The following HPSE2 variants were observed in gnomAD, a reference collection of about 807,000 sequenced individuals.
HPSE2 encodes the protein heparanase 2 (inactive), also known as inactive heparanase-2.
Under a neutral mutation model 60.5 loss-of-function variants are expected in HPSE2, and 38 were observed. The ratio of observed to expected loss-of-function variants is 0.63; its 90% CI spans 0.48 to 0.82. The LOEUF is 0.82. Ranked by LOEUF, HPSE2 falls within the 40% of genes least tolerant of loss-of-function variation. HPSE2 has a pLI of 0.00. For missense variants in HPSE2, 713 were observed against 740.4 expected (o/e 0.96, Z 0.43); for synonymous variants, 295 against 293.2 (o/e 1.01, Z -0.06).
At chr10:98,823,790 T>G (rs942306836) in intron 3 of HPSE2, among the ~76,000 whole-genome samples, 2 of 152,144 alleles carry the variant, frequency 1.3e-5, no homozygotes, top group African/African-American at 2.4e-5. Context: ...AGTGAGACAT[T>G]TTAACATACC....
chr10:99,171,377 G>A (rs1350642084), intron 2 of HPSE2, among the ~76,000 whole-genome samples: 1 of 152,074 alleles, frequency 6.6e-6, no homozygotes, highest in Non-Finnish European at 1.5e-5. Flanking sequence ...AACTACTACA[G>A]TCTGGAGAAG....
intron 3 of HPSE2, among the ~76,000 whole-genome samples, chr10:99,072,332 G>A (rs1340509843): frequency 8.2e-6 from 1 of 122,350 alleles, no homozygotes; most frequent in Non-Finnish European, 1.9e-5. Flanking sequence ...CTTTTGCACA[G>A]CAAAAGAAAC....
At chr10:98,756,449 A>C (rs918323425) in intron 3 of HPSE2, among the ~76,000 whole-genome samples, 35 of 152,144 alleles carry the variant, frequency 2.3e-4, no homozygotes, top group African/African-American at 8.2e-4. Flanking sequence ...AGAAGAAAGA[A>C]GATCCAAATA....
intron 3 of HPSE2, among the ~76,000 whole-genome samples, chr10:99,004,902 C>A (rs1016801229): frequency 1.3e-5 from 2 of 152,102 alleles, no homozygotes; most frequent in African/African-American, 2.4e-5. Context: ...TGAAGGACAG[C>A]TTTGCTGAAT....
rs564743528 is a variant in HPSE2 at position 99,205,379 on chromosome 10, G to A, written c.448+26969C>T. On this transcript the variant is annotated intron_variant, in intron 2 of 11. Transcript: ENST00000370552. ...TGAGGCGAGTGGATCATGAGGTCAGGAGTTCAAGCCTGACCAAGATGGTGA... is the reference window on the plus strand; with the variant it reads ...TGAGGCGAGTGGATCATGAGGTCAGAAGTTCAAGCCTGACCAAGATGGTGA... Among the ~76,000 whole-genome samples the A allele has an allele frequency of 5.3e-5, 8 of 152,248 alleles. No homozygotes were observed. In the South Asian group the frequency reaches 1.5e-3, roughly 28 times the overall value.
intron 3 of HPSE2, among the ~76,000 whole-genome samples, chr10:98,923,200 C>T (rs1389501972): frequency 6.6e-6 from 1 of 152,166 alleles, no homozygotes; most frequent in Non-Finnish European, 1.5e-5. Context: ...ATTCTTTCAG[C>T]ACTTTAAATA....
intron 2 of HPSE2, among the ~76,000 whole-genome samples, chr10:99,156,712 A>G (rs1027087044): frequency 2.3e-5 from 3 of 129,532 alleles, no homozygotes; most frequent in African/African-American, 7.6e-5. Flanking sequence ...GCCCTCTCTC[A>G]CCACTCCTAT....
intron 3 of HPSE2, among the ~76,000 whole-genome samples, chr10:98,888,334 T>C (rs1447063995): frequency 6.6e-6 from 1 of 151,820 alleles, no homozygotes; most frequent in East Asian, 1.9e-4. Context: ...AGGGTCACTA[T>C]AAAGAAATCA....
intron 3 of HPSE2, among the ~76,000 whole-genome samples, chr10:98,832,779 G>A (rs1216774104): frequency 6.6e-6 from 1 of 152,184 alleles, no homozygotes; most frequent in African/African-American, 2.4e-5. Flanking sequence ...TGTATATTAG[G>A]TGGTAAGAAA....
intron 2 of HPSE2, among the ~76,000 whole-genome samples, chr10:99,211,383 C>T (rs919704473): frequency 4.6e-5 from 7 of 151,700 alleles, no homozygotes; most frequent in Non-Finnish European, 5.9e-5. Flanking sequence ...CCCAGAAGAC[C>T]CCAAACAGCC....
chr10:99,302,458 C>T, the HPSE2 span, among the ~76,000 whole-genome samples: 4 of 152,130 alleles, frequency 2.6e-5, no homozygotes, highest in Admixed American at 6.5e-5. Flanking sequence ...AGGAAATGCT[C>T]TGGCTGACAG....
At chr10:98,581,301 A>G (rs568527869) in intron 9 of HPSE2, among the ~76,000 whole-genome samples, 1 of 152,212 alleles carries the variant, frequency 6.6e-6, no homozygotes, top group South Asian at 2.1e-4. Context: ...ATCTGGCTAT[A>G]AGTAGTTTAT....
chr10:98,701,792 G>T (rs1026036316), intron 5 of HPSE2, among the ~76,000 whole-genome samples: 1 of 151,984 alleles, frequency 6.6e-6, no homozygotes, highest in African/African-American at 2.4e-5. Context: ...TGCCTTGCAA[G>T]AGCTCCTAAA....
intron 3 of HPSE2, among the ~76,000 whole-genome samples, chr10:98,831,012 G>A (rs992118805): frequency 2.6e-5 from 4 of 152,094 alleles, no homozygotes; most frequent in Admixed American, 6.6e-5. Context: ...AATTTAGTCT[G>A]CTCCAGATGT....
At chr10:99,200,251 G>A (rs1411733905) in intron 2 of HPSE2, among the ~76,000 whole-genome samples, 1 of 152,024 alleles carries the variant, frequency 6.6e-6, no homozygotes, top group Non-Finnish European at 1.5e-5. Flanking sequence ...GTAACTGCCT[G>A]ACTGAAATGT....
chr10:99,307,859 C>T, the HPSE2 span, among the ~76,000 whole-genome samples: 1 of 149,570 alleles, frequency 6.7e-6, no homozygotes, highest in Non-Finnish European at 1.5e-5. Context: ...CACACACACA[C>T]ACACACACAA....
At chr10:99,098,843 A>T (rs753323939) in intron 3 of HPSE2, among the ~76,000 whole-genome samples, 1 of 152,216 alleles carries the variant, frequency 6.6e-6, no homozygotes, top group Non-Finnish European at 1.5e-5. Flanking sequence ...CAATTTTTGA[A>T]CCTGCATAGG....
intron 3 of HPSE2, among the ~76,000 whole-genome samples, chr10:98,801,410 A>G (rs1244330465): frequency 6.6e-6 from 1 of 152,334 alleles, no homozygotes; most frequent in East Asian, 1.9e-4. Flanking sequence ...GAAAGAAAGA[A>G]GTCAAATTTC....
intron 9 of HPSE2, among the ~76,000 whole-genome samples, chr10:98,561,583 C>T (rs1291560934): frequency 6.6e-6 from 1 of 152,188 alleles, no homozygotes; most frequent in Non-Finnish European, 1.5e-5. Context: ...TGCAGTGGCT[C>T]ATGCCTATAA....
Sources: gnomAD v4.1 joint callset for allele counts (sites outside exome capture counted in the v4.1 genomes callset) on GRCh38, gnomAD v4.1.1 for gene constraint, MANE v1.5 for transcripts, NCBI Gene and HGNC (gene_info 2026-07-23, HGNC 2026-07-21) for gene names.